Variants in SSPN observed in about 807,000 individuals in gnomAD.
SSPN encodes K-ras oncogene-associated protein.
SSPN carries 15 observed loss-of-function variants against 19.1 expected under a neutral mutation model. That is an observed-to-expected ratio of 0.78 (90% CI 0.52 to 1.21). The LOEUF (loss-of-function observed/expected upper bound fraction) is 1.21, where lower values mean the gene tolerates loss of function less well. SSPN is among the 50% of genes most tolerant of loss of function. The pLI is 0.00. For missense variants in SSPN, 291 were observed against 314.0 expected (o/e 0.93, Z 0.55); for synonymous variants, 147 against 140.3 (o/e 1.05, Z -0.34).
At chr12:26,145,019 C>G (rs1944481726) in intron 1 of SSPN, among the ~76,000 whole-genome samples, 1 of 152,224 alleles carries the variant, frequency 6.6e-6, no homozygotes, top group Admixed American at 6.5e-5. Context: ...ACGACTTCAC[C>G]CCACAACAAG....
chr12:26,201,032 T>TAAA (rs1428516813), intron 1 of SSPN, among the ~76,000 whole-genome samples: 2 of 38,198 alleles, frequency 5.2e-5, no homozygotes, highest in African/African-American at 2.0e-4. Flanking sequence ...TATATATATA[T>TAAA]ATATATATAT....
In SSPN at chr12:26,201,369, C is replaced by A. The variant is rs1466923059; in HGVS notation, c.279+5418C>A. Among the ~76,000 whole-genome samples the A allele has an allele frequency of 4.8e-4, 72 of 149,660 alleles. 1 individual carries two copies. The highest frequency in any genetic ancestry group is 1.5e-3 in the African/African-American group (62 of 40,550). On this transcript the variant is annotated intron_variant, in intron 1 of 2. Transcript: ENST00000242729. ...CTCCAGCCTGGGCAACAGAGTGAGA[C>A]CCCATAACAGAAAAAAAAAAAAAGA...
intron 1 of SSPN, among the ~76,000 whole-genome samples, chr12:26,157,874 A>C (rs1944564969): frequency 1.3e-5 from 2 of 152,224 alleles, no homozygotes; most frequent in South Asian, 4.1e-4. Context: ...CCAGATGGGC[A>C]ATGTGCTCAT....
chr12:26,194,877 G>C (rs143393043), upstream of SSPN, among the ~76,000 whole-genome samples: 1 of 152,298 alleles, frequency 6.6e-6, no homozygotes, highest in Non-Finnish European at 1.5e-5. Context: ...TGTAGTCCCA[G>C]CCACTTGGAG....
chr12:26,169,275 C>T (rs1409393187), intron 1 of SSPN, among the ~76,000 whole-genome samples: 2 of 151,942 alleles, frequency 1.3e-5, no homozygotes, highest in Non-Finnish European at 2.9e-5. Context: ...TAATGTTGTC[C>T]ATACAAATTG....
At chr12:26,172,953 T>G (rs144795153) in intron 1 of SSPN, among the ~76,000 whole-genome samples, 121 of 152,316 alleles carry the variant, frequency 7.9e-4, no homozygotes, top group African/African-American at 2.8e-3. Context: ...TACAATATCT[T>G]TATCAACAGC....
chr12:26,196,045 T>G (rs1022773014), intron 1 of SSPN, 94 bp downstream of exon 1: 3 of 1,042,568 alleles, frequency 2.9e-6, no homozygotes, highest in African/African-American at 1.7e-5. Flanking sequence ...GCATGTGCCC[T>G]TCCCCGGGTT....
chr12:26,232,248 T>C lies in SSPN; in HGVS notation c.*1172T>C. 2.0e-6 allele frequency: 2 copies of C among 985,378 alleles called. No homozygotes were observed. Among genetic ancestry groups the C allele is most frequent in the Non-Finnish European group, 2.4e-6 (2 of 829,860 alleles). 61.0% of individuals were successfully genotyped at this position (985,378 alleles called of 1,614,324 possible). A position where few individuals can be genotyped will look rare whatever the true frequency, so the allele number is the denominator to read the frequency against. ...GCTTAGTCAACCTAGGAAATCAAAA[T>C]AATGTTTTGAAGTTCTTATTTGAGC... On this transcript the variant is annotated 3_prime_UTR_variant, in exon 3 of 3. Coordinates refer to ENST00000242729, the MANE Select transcript of SSPN (RefSeq NM_005086.5).
chr12:26,201,046 T>TATATATATAAAA (rs59727119), intron 1 of SSPN, among the ~76,000 whole-genome samples: 10 of 77,212 alleles, frequency 1.3e-4, no homozygotes, highest in African/African-American at 5.3e-4. Context: ...TATATATATA[T>TATATATATAAAA]TATATATATA....
At chr12:26,185,585 G>T (rs1281438634) in intron 1 of SSPN, among the ~76,000 whole-genome samples, 1 of 152,204 alleles carries the variant, frequency 6.6e-6, no homozygotes, top group Non-Finnish European at 1.5e-5. Context: ...ACTAGGAATA[G>T]GGAAGGGGCT....
At chr12:26,122,195 G>T (rs1247712250) in intron 1 of SSPN, 1 of 1,436,738 alleles carries the variant, frequency 7.0e-7, no homozygotes, top group Non-Finnish European at 9.1e-7. Flanking sequence ...GCGCCCCAAG[G>T]GGCGCCACCT....
chr12:26,195,448 C>G (rs1257008835), upstream of SSPN: 1 of 752,592 alleles, frequency 1.3e-6, no homozygotes, highest in East Asian at 3.5e-5. Flanking sequence ...GCCCGGCAGG[C>G]GCTGCGTCCC....
chr12:26,172,287 T>G (rs574291174), intron 1 of SSPN, among the ~76,000 whole-genome samples: 1 of 152,312 alleles, frequency 6.6e-6, no homozygotes, highest in East Asian at 1.9e-4. Flanking sequence ...GTAAAAATGT[T>G]GAATATTCCA....
chr12:26,125,806 G>GAAGGGGGTGGCACGA, intron 1 of SSPN: 1 of 151,900 alleles, frequency 6.6e-6, no homozygotes, highest in South Asian at 2.1e-4. Flanking sequence ...TGGGAAGGGA[G>GAAGGGGGTGGCACGA]AAGGGGGTGG....
At chr12:26,213,383 TAG>T in intron 1 of SSPN, among the ~76,000 whole-genome samples, 1 of 152,300 alleles carries the variant, frequency 6.6e-6, no homozygotes, top group East Asian at 1.9e-4. Context: ...AATATCATCC[TAG>T]AGATGATGAA....
chr12:26,153,319 C>T (rs1269895655), intron 1 of SSPN, among the ~76,000 whole-genome samples: 2 of 152,210 alleles, frequency 1.3e-5, no homozygotes, highest in African/African-American at 4.8e-5. Context: ...AGTTTCGCTG[C>T]TAATATTATC....
intron 1 of SSPN, among the ~76,000 whole-genome samples, chr12:26,168,634 A>C (rs1944635460): frequency 2.0e-5 from 3 of 152,218 alleles, no homozygotes; most frequent in Admixed American, 2.0e-4. Flanking sequence ...AATGGAAGAC[A>C]TTGTTGCATT....
At chr12:26,161,770 A>G (rs113504209) in intron 1 of SSPN, among the ~76,000 whole-genome samples, 3 of 152,298 alleles carry the variant, frequency 2.0e-5, no homozygotes, top group African/African-American at 7.2e-5. Flanking sequence ...TCCAACTCCC[A>G]TCATGAGGTA....
chr12:26,207,627 G>A (rs1385710242), intron 1 of SSPN, among the ~76,000 whole-genome samples: 3 of 151,920 alleles, frequency 2.0e-5, no homozygotes, highest in Non-Finnish European at 2.9e-5. Flanking sequence ...GCTCAACATC[G>A]TTTTTGAGAT....
Sources: gnomAD v4.1 joint callset for allele counts (sites outside exome capture counted in the v4.1 genomes callset) on GRCh38, gnomAD v4.1.1 for gene constraint, MANE v1.5 for transcripts, NCBI Gene and HGNC (gene_info 2026-07-23, HGNC 2026-07-21) for gene names.